Variants in TBC1D32 observed in about 807,000 individuals in gnomAD.
The protein encoded by TBC1D32 is protein broad-minded.
TBC1D32 carries 151 observed loss-of-function variants against 170.3 expected under a neutral mutation model. That is an observed-to-expected ratio of 0.89 (90% CI 0.78 to 1.01). The LOEUF is 1.01. Ranked by LOEUF, TBC1D32 falls within the 50% of genes least tolerant of loss-of-function variation. The probability of loss-of-function intolerance (pLI) is 0.00; values close to 1 mark genes in which losing one functional copy is unlikely to be tolerated. For synonymous variants in TBC1D32, 498 were observed against 488.0 expected (o/e 1.02, Z -0.27); for missense variants, 1,464 against 1,457.1 (o/e 1.00, Z -0.08).
chr6:121,321,139 G>A (rs539830800), intron 2 of TBC1D32, among the ~76,000 whole-genome samples: 1 of 152,094 alleles, frequency 6.6e-6, no homozygotes, highest in African/African-American at 2.4e-5. Context: ...TCTTTATTTA[G>A]AAGTTTGGTG....
At chr6:121,127,703 C>T (rs1475542708) in intron 25 of TBC1D32, among the ~76,000 whole-genome samples, 1 of 152,018 alleles carries the variant, frequency 6.6e-6, no homozygotes, top group Non-Finnish European at 1.5e-5. Context: ...ATAAATTTTA[C>T]AGAAAGAACA....
intron 22 of TBC1D32, among the ~76,000 whole-genome samples, chr6:121,172,137 T>A (rs183672265): frequency 1.3e-5 from 2 of 152,114 alleles, no homozygotes; most frequent in Non-Finnish European, 2.9e-5. Flanking sequence ...CCACGTAAGA[T>A]GTGCCTTTCA....
chr6:121,152,446 C>T (rs1203937081), intron 24 of TBC1D32, among the ~76,000 whole-genome samples: 2 of 152,086 alleles, frequency 1.3e-5, no homozygotes, highest in African/African-American at 4.8e-5. Flanking sequence ...TCCTTTATTT[C>T]AACCTTGGTG....
At chr6:121,242,370 C>T in intron 17 of TBC1D32, 31 bp from the exon 18 acceptor site, 1 of 1,600,544 alleles carries the variant, frequency 6.2e-7, no homozygotes, top group Non-Finnish European at 8.5e-7. Flanking sequence ...GTAGAGCTTT[C>T]TTTAAGATAC....
chr6:121,317,758 TA>T, intron 2 of TBC1D32, 86 bp from the exon 3 acceptor site: 3 of 1,009,012 alleles, frequency 3.0e-6, no homozygotes, highest in Non-Finnish European at 2.7e-6. Context: ...TTTTTTTCTA[TA>T]AAAAGGGAAG....
intron 26 of TBC1D32, among the ~76,000 whole-genome samples, chr6:121,119,800 G>A (rs1191326431): frequency 1.3e-5 from 2 of 151,944 alleles, no homozygotes; most frequent in Admixed American, 1.3e-4. Context: ...TTTTATAATG[G>A]ATTGAAATCC....
chr6:121,169,909 T>A (rs1562749163), intron 22 of TBC1D32, among the ~76,000 whole-genome samples: 1 of 152,118 alleles, frequency 6.6e-6, no homozygotes, highest in African/African-American at 2.4e-5. Context: ...GATATTACCA[T>A]AACCTCATTT....
chr6:121,305,118 A>C (rs1807139882), intron 5 of TBC1D32, among the ~76,000 whole-genome samples: 1 of 152,124 alleles, frequency 6.6e-6, no homozygotes, highest in Non-Finnish European at 1.5e-5. Flanking sequence ...GGTTTCATAG[A>C]GGAGACAATG....
intron 30 of TBC1D32, among the ~76,000 whole-genome samples, chr6:121,092,293 G>GGT (rs1776888968): frequency 4.0e-5 from 2 of 50,388 alleles, no homozygotes; most frequent in Admixed American, 6.0e-4. Flanking sequence ...TCAGTTTTAT[G>GGT]TTTTTTTTTT....
Position 121,334,342 on chromosome 6 carries a change from G to T in TBC1D32, c.89C>A (p.Ala30Asp). The T allele has an allele frequency of 6.2e-7, 1 of 1,614,118 alleles. No individual in the cohort carries two copies. Among genetic ancestry groups the T allele is most frequent in the Non-Finnish European group, 8.5e-7 (1 of 1,179,970 alleles). Residue 30 changes from alanine (A) to aspartate (D), a missense_variant, in exon 1 of 32, where the codon GCC (alanine) becomes GAC (aspartate). Ala to Asp is a moderately radical substitution (Grantham distance 126, BLOSUM62 -2). Coordinates refer to ENST00000398212, the MANE Select transcript of TBC1D32 (RefSeq NM_152730.6). ...FQSVKEKITG[A>D]PSLECAEEIL... is the part of the protein sequence containing the mutation. ...CTCTTCGGCACACTCCAGGGAAGGG[G>T]CACCCGTGATTTTCTCCTTCACGCT...
chr6:121,174,754 G>A (rs946944183), intron 22 of TBC1D32, among the ~76,000 whole-genome samples: 2 of 152,150 alleles, frequency 1.3e-5, no homozygotes, highest in African/African-American at 4.8e-5. Context: ...AAAGGGACCA[G>A]GCATACTGAA....
chr6:121,288,670 T>C (rs1164687793), intron 12 of TBC1D32, among the ~76,000 whole-genome samples: 1 of 152,182 alleles, frequency 6.6e-6, no homozygotes, highest in East Asian at 1.9e-4. Context: ...AGCATCATCC[T>C]GATACCAAAG....
chr6:121,242,960 T>C (rs756114581), intron 17 of TBC1D32, among the ~76,000 whole-genome samples: 1 of 152,018 alleles, frequency 6.6e-6, no homozygotes, highest in Non-Finnish European at 1.5e-5. Flanking sequence ...TTTGAAAACA[T>C]GACACAAATA....
chr6:121,321,803 A>T lies in TBC1D32; in HGVS notation c.156-9T>A. ...ATTTCACAAATTCATAGCTGAAACA[A>T]ATATTTAGAAAATAAATGCGGTAAA... On this transcript the variant is annotated splice_polypyrimidine_tract_variant and intron_variant, in intron 1 of 31. Transcript: ENST00000398212. 2.5e-6 allele frequency: 4 copies of T among 1,601,902 alleles called. No individual in the cohort carries two copies. The highest frequency in any genetic ancestry group is 3.4e-6 in the Non-Finnish European group (4 of 1,175,178).
rs144688576 is a variant in TBC1D32 at position 121,080,685 on chromosome 6, G to A, written c.*86C>T. The A allele has an allele frequency of 1.5e-4, 215 of 1,474,246 alleles. 2 individuals are homozygous for A. In the East Asian group the frequency reaches 4.5e-3, roughly 31 times the overall value. 91.3% of individuals were successfully genotyped at this position (1,474,246 alleles called of 1,614,324 possible). A position where few individuals can be genotyped will look rare whatever the true frequency, so the allele number is the denominator to read the frequency against. ...CAATATGTATATTCACAAAGTAAATGTTGTTACAGACACAGAAAAACATCA... is the reference window on the plus strand; with the variant it reads ...CAATATGTATATTCACAAAGTAAATATTGTTACAGACACAGAAAAACATCA... On this transcript the variant is annotated 3_prime_UTR_variant, in exon 32 of 32. Transcript: ENST00000398212.
chr6:121,240,357 A>ATTTGTT (rs1796801144), intron 19 of TBC1D32, among the ~76,000 whole-genome samples: 1 of 75,294 alleles, frequency 1.3e-5, no homozygotes, highest in Non-Finnish European at 2.4e-5. Context: ...GTTTAGGACA[A>ATTTGTT]TTTTTTTTTT....
intron 15 of TBC1D32, among the ~76,000 whole-genome samples, chr6:121,258,650 T>C (rs1799363834): frequency 1.3e-5 from 2 of 152,172 alleles, no homozygotes; most frequent in African/African-American, 4.8e-5. Context: ...TAAACAAATA[T>C]GATCATTCAT....
At chr6:121,284,170 A>T (rs1583560477) in intron 12 of TBC1D32, among the ~76,000 whole-genome samples, 1 of 152,236 alleles carries the variant, frequency 6.6e-6, no homozygotes, top group East Asian at 1.9e-4. Flanking sequence ...CACTTAAGAT[A>T]AACCTATGCT....
At chr6:121,327,134 G>A (rs1810562382) in intron 1 of TBC1D32, among the ~76,000 whole-genome samples, 1 of 92,808 alleles carries the variant, frequency 1.1e-5, no homozygotes, top group Admixed American at 1.4e-4. Flanking sequence ...ATGGGAGACA[G>A]GGAGGGAGCA....
Sources: allele counts gnomAD v4.1 joint callset (sites outside exome capture counted in the v4.1 genomes callset), GRCh38; gene constraint gnomAD v4.1.1; transcripts MANE v1.5; gene names NCBI Gene and HGNC (gene_info 2026-07-23, HGNC 2026-07-21).